Variants in BACH2 observed in about 807,000 individuals in gnomAD.
BACH2 encodes the protein transcription regulator protein BACH2.
Under a neutral mutation model 61.8 loss-of-function variants are expected in BACH2, and 5 were observed. The ratio of observed to expected loss-of-function variants is 0.08; its 90% CI spans 0.04 to 0.17. BACH2 has a LOEUF of 0.17. Among genes scored for constraint, BACH2 ranks in the 10% least tolerant of loss-of-function variants. The probability of loss-of-function intolerance (pLI) is 1.00; values close to 1 mark genes in which losing one functional copy is unlikely to be tolerated. For missense variants in BACH2, 824 were observed against 1,091.1 expected (o/e 0.76, Z 3.45); for synonymous variants, 446 against 440.1 (o/e 1.01, Z -0.17).
chr6:90,088,115 T>C (rs1342623676), intron 5 of BACH2, among the ~76,000 whole-genome samples: 1 of 152,070 alleles, frequency 6.6e-6, no homozygotes, highest in Non-Finnish European at 1.5e-5. Flanking sequence ...TTAGATCCCA[T>C]GAGTAAGTGA....
At chr6:90,218,674 C>T (rs1173073663) in intron 3 of BACH2, among the ~76,000 whole-genome samples, 5 of 151,932 alleles carry the variant, frequency 3.3e-5, no homozygotes, top group Non-Finnish European at 7.4e-5. Flanking sequence ...TTCTCTGGCT[C>T]GAATTACCCG....
At chr6:90,049,317 A>C (rs536514779) in intron 5 of BACH2, among the ~76,000 whole-genome samples, 182 of 152,350 alleles carry the variant, frequency 1.2e-3, no homozygotes, top group African/African-American at 3.8e-3. Flanking sequence ...TAAGTGTTAT[A>C]AAAACAAAAT....
chr6:90,103,407 T>A (rs1461532003), intron 4 of BACH2, among the ~76,000 whole-genome samples: 1 of 152,068 alleles, frequency 6.6e-6, no homozygotes, highest in Non-Finnish European at 1.5e-5. Context: ...CTCAGCATTA[T>A]CTGGTTATCG....
At chr6:90,266,962 T>C (rs1771354533) in intron 2 of BACH2, among the ~76,000 whole-genome samples, 1 of 152,148 alleles carries the variant, frequency 6.6e-6, no homozygotes, top group Non-Finnish European at 1.5e-5. Context: ...TGAGCAATCT[T>C]GAATAACGAT....
In BACH2 at chr6:90,043,112, A is replaced by G. The variant is rs1232322989; in HGVS notation, c.-12-34256T>C. On this transcript the variant is annotated intron_variant, in intron 5 of 8. Transcript: ENST00000257749. ...ATGAATGAGGGTGTCATTTACTGTA[A>G]GGGAAAACTCCAGGGGAGGATCATG... 3.3e-5 allele frequency among the ~76,000 whole-genome samples: 5 copies of G among 152,196 alleles called. No individual in the cohort carries two copies. In the East Asian group the frequency reaches 9.6e-4, roughly 29 times the overall value.
intron 4 of BACH2, among the ~76,000 whole-genome samples, chr6:90,180,138 C>T (rs1768108967): frequency 2.0e-5 from 3 of 151,944 alleles, no homozygotes; most frequent in Non-Finnish European, 4.4e-5. Context: ...AGTATAAATG[C>T]TATACACTTT....
chr6:89,955,896 G>A (rs1181448583), intron 6 of BACH2, among the ~76,000 whole-genome samples: 2 of 152,050 alleles, frequency 1.3e-5, no homozygotes, highest in Non-Finnish European at 2.9e-5. Flanking sequence ...GGGAGGTGGA[G>A]AATTACACGC....
rs1226698326 is a variant in BACH2, at chr6:90,263,666, A to T, written c.-353+8183T>A. On this transcript the variant is annotated intron_variant, in intron 2 of 8. Coordinates refer to ENST00000257749, the MANE Select transcript of BACH2 (RefSeq NM_021813.4). The stretch of plus-strand genomic sequence containing the variant: ...AAGCCTAAATCTGCAAAAGTCTGTG[A>T]TGACATCAAGCTTAACATTTTGCCA... Among the ~76,000 whole-genome samples, 3 of 152,220 alleles carry T rather than the reference A, an allele frequency of 2.0e-5. No individual in the cohort carries two copies. In the East Asian group the frequency reaches 5.8e-4, roughly 29 times the overall value.
intron 5 of BACH2, among the ~76,000 whole-genome samples, chr6:90,030,595 A>G (rs1778918880): frequency 1.3e-5 from 2 of 152,192 alleles, no homozygotes; most frequent in South Asian, 4.1e-4. Flanking sequence ...AATAAACTAG[A>G]AAATCTAGAA....
At chr6:90,232,856 T>G (rs1046794870) in intron 3 of BACH2, among the ~76,000 whole-genome samples, 5 of 152,238 alleles carry the variant, frequency 3.3e-5, no homozygotes, top group African/African-American at 1.2e-4. Flanking sequence ...TTGACATCTT[T>G]TATTAATTCC....
chr6:90,040,139 A>G (rs1325314353), intron 5 of BACH2, among the ~76,000 whole-genome samples: 1 of 150,210 alleles, frequency 6.7e-6, no homozygotes, highest in African/African-American at 2.5e-5. Flanking sequence ...GATTTTTGTC[A>G]TACTTTGAAA....
chr6:89,955,523 C>T (rs1482238699), intron 6 of BACH2, among the ~76,000 whole-genome samples: 3 of 152,268 alleles, frequency 2.0e-5, no homozygotes, highest in South Asian at 2.1e-4. Context: ...TGCTTTGATA[C>T]GATGGCTACT....
intron 1 of BACH2, among the ~76,000 whole-genome samples, 163 bp downstream of exon 1, chr6:90,296,305 TGCCATAAAAGCG>T: frequency 6.6e-6 from 1 of 151,060 alleles, no homozygotes; most frequent in Admixed American, 6.6e-5. Context: ...TCCTAGAAAA[TGCCATAAAAGCG>T]GGCAGGGCGC....
At chr6:90,014,420 T>TTGTGTGTG (rs764203742) in intron 5 of BACH2, among the ~76,000 whole-genome samples, 11 of 76,810 alleles carry the variant, frequency 1.4e-4, no homozygotes, top group African/African-American at 6.9e-4. Context: ...TGGCATAAAA[T>TTGTGTGTG]TGTGTGTGTG....
At chr6:90,105,366 C>G (rs1322164124) in intron 4 of BACH2, among the ~76,000 whole-genome samples, 1 of 152,238 alleles carries the variant, frequency 6.6e-6, no homozygotes, top group Non-Finnish European at 1.5e-5. Context: ...GCCAACTAAG[C>G]AAACCATAAT....
chr6:90,222,831 C>T (rs1769779870), intron 3 of BACH2, among the ~76,000 whole-genome samples: 1 of 152,098 alleles, frequency 6.6e-6, no homozygotes, highest in African/African-American at 2.4e-5. Context: ...TGTCCTTAGT[C>T]AACTGCTCTG....
intron 4 of BACH2, among the ~76,000 whole-genome samples, chr6:90,141,734 A>G (rs1784467841): frequency 6.6e-6 from 1 of 152,218 alleles, no homozygotes; most frequent in South Asian, 2.1e-4. Flanking sequence ...ATTAGATTTT[A>G]CACATGATAA....
intron 3 of BACH2, among the ~76,000 whole-genome samples, chr6:90,221,034 CT>C (rs1769718983): frequency 6.6e-6 from 1 of 152,082 alleles, no homozygotes; most frequent in East Asian, 1.9e-4. Flanking sequence ...CTTATGTGAA[CT>C]AACATGATAG....
At chr6:90,170,202 A>G (rs1169577015) in intron 4 of BACH2, among the ~76,000 whole-genome samples, 2 of 152,192 alleles carry the variant, frequency 1.3e-5, no homozygotes, top group Non-Finnish European at 2.9e-5. Context: ...CAGTTAATAT[A>G]GGTCTTACTT....
Sources: gnomAD v4.1 joint callset for allele counts (sites outside exome capture counted in the v4.1 genomes callset) on GRCh38, gnomAD v4.1.1 for gene constraint, MANE v1.5 for transcripts, NCBI Gene and HGNC (gene_info 2026-07-23, HGNC 2026-07-21) for gene names.